SLC5A3: variants seen among roughly 807,000 people sequenced by gnomAD.
SLC5A3 encodes solute carrier family 5 member 3, also known as sodium/myo-inositol cotransporter.
Under a neutral mutation model 43.2 loss-of-function variants are expected in SLC5A3, and 10 were observed. The observed-to-expected ratio is 0.23, with a 90% CI of 0.14 to 0.39. The LOEUF is 0.39. Ranked by LOEUF, SLC5A3 falls within the 10% of genes least tolerant of loss-of-function variation. The pLI, the probability that SLC5A3 is intolerant of heterozygous loss-of-function variation, is 1.00. For synonymous variants in SLC5A3, 349 were observed against 322.0 expected (o/e 1.08, Z -0.90); for missense variants, 608 against 893.4 (o/e 0.68, Z 4.07).
rs769874431 is a variant in SLC5A3, at chr21:34,096,447, T to G, written c.1249T>G (p.Phe417Val). 118 of 1,614,128 alleles carry G rather than the reference T, an allele frequency of 7.3e-5. No homozygotes were observed. The highest frequency in any genetic ancestry group is 3.3e-4 in the Middle Eastern group (2 of 6,058). Reference sequence around the variant, plus strand: ...GATTGTGGGGAGGATATTTGTGGCATTTATGGTGGTGATCAGCATAGCATG... The same window carrying G: ...GATTGTGGGGAGGATATTTGTGGCAGTTATGGTGGTGATCAGCATAGCATG... Reference protein sequence around the residue: ...LMIVGRIFVAFMVVISIAWVP... With the variant: ...LMIVGRIFVAVMVVISIAWVP... Residue 417 changes from phenylalanine (F) to valine (V), a missense_variant, in exon 2 of 2, where the codon TTT becomes GTT. Phe to Val is a conservative substitution (Grantham distance 50). Coordinates refer to ENST00000381151, the MANE Select transcript of SLC5A3 (RefSeq NM_006933.7). This position sits in a 1 kb window ranked among gnomAD's most constrained non-coding sequence, Gnocchi z 5.9.
chr21:34,103,431 A>T lies in SLC5A3; in HGVS notation c.*6076A>T. 2.0e-6 allele frequency: 2 copies of T among 998,154 alleles called. No homozygotes were observed. The highest frequency in any genetic ancestry group is 2.4e-6 in the Non-Finnish European group (2 of 828,262). 61.8% of individuals were successfully genotyped at this position (998,154 alleles called of 1,614,324 possible). ...TTGTAGCCTAAATGTTGTTTCTTTT[A>T]TATCCATTAAAAACTTAAAGTTACT... On this transcript the variant is annotated 3_prime_UTR_variant, in exon 2 of 2. Transcript: ENST00000381151.
At chr21:34,087,677 A>C (rs1978466429) in intron 1 of SLC5A3, among the ~76,000 whole-genome samples, 1 of 152,252 alleles carries the variant, frequency 6.6e-6, no homozygotes, top group African/African-American at 2.4e-5. Context: ...TGTTGCCTGC[A>C]TAGGAAATAG....
In SLC5A3 at chr21:34,073,789, C is replaced by T. The variant is rs749080307; in HGVS notation, c.-337+44C>T. On this transcript the variant is annotated intron_variant, in intron 1 of 1. Transcript: ENST00000381151. ...GAGCCGGTCTTCCCGCGCGGGCGCC[C>T]CCGCTGCCGCTAGGCCGCCGTCCCC... 9.2e-6 allele frequency: 13 copies of T among 1,411,810 alleles called. No individual in the cohort carries two copies. The South Asian group carries it at 1.5e-4, about 17-fold the overall frequency. 87.5% of individuals were successfully genotyped at this position (1,411,810 alleles called of 1,614,324 possible).
In SLC5A3 at chr21:34,101,847, A is replaced by G. The variant is rs1177518232; in HGVS notation, c.*4492A>G. 3.0e-6 allele frequency: 3 copies of G among 999,826 alleles called. No homozygotes were observed. The highest frequency in any genetic ancestry group is 5.2e-4 in the Middle Eastern group (1 of 1,938). 61.9% of individuals were successfully genotyped at this position (999,826 alleles called of 1,614,324 possible). ...TGGCTAATAATAAAAGCACTGTTTT[A>G]TTCTCAAAACTCCTTTTTCAAAAAT... On this transcript the variant is annotated 3_prime_UTR_variant, in exon 2 of 2. Transcript: ENST00000381151.
rs1233196905 is a variant in SLC5A3, at chr21:34,098,835, C to A, written c.*1480C>A. Reference sequence around the variant, plus strand: ...GTGTCTTCGTATGCTCAACACTGTCCTTTGTCCTCCATGAAAGATGAAGGA... The same window carrying A: ...GTGTCTTCGTATGCTCAACACTGTCATTTGTCCTCCATGAAAGATGAAGGA... On this transcript the variant is annotated 3_prime_UTR_variant, in exon 2 of 2. Transcript: ENST00000381151. 1.0e-6 allele frequency: 1 copy of A among 999,780 alleles called. No homozygotes were observed. Among genetic ancestry groups the A allele is most frequent in the Non-Finnish European group, 1.2e-6 (1 of 829,644 alleles). 61.9% of individuals were successfully genotyped at this position (999,780 alleles called of 1,614,324 possible). A position where few individuals can be genotyped will look rare whatever the true frequency, so the allele number is the denominator to read the frequency against.
Position 34,099,613 on chromosome 21 carries a change from T to TC in SLC5A3, c.*2259dup, listed in dbSNP as rs1979140522. The TC allele has an allele frequency of 1.0e-6, 1 of 999,362 alleles. No homozygotes were observed. The highest frequency in any genetic ancestry group is 1.2e-6 in the Non-Finnish European group (1 of 829,752). The allele number at this position is 999,362 out of a possible 1,614,324, so 61.9% of individuals were successfully genotyped here. On this transcript the variant is annotated 3_prime_UTR_variant, in exon 2 of 2. Transcript: ENST00000381151. ...TAGGAGGTGTTTGTGATTTTTTTTTTCTCCCTTTATTTAACATTGAGTCCT... is the reference window on the plus strand; with the variant it reads ...TAGGAGGTGTTTGTGATTTTTTTTTTCCTCCCTTTATTTAACATTGAGTCCT...
rs191149840 is a variant in SLC5A3, at chr21:34,098,744, A to G, written c.*1389A>G. 34 of 1,000,268 alleles carry G rather than the reference A, an allele frequency of 3.4e-5. No homozygotes were observed. In the East Asian group the frequency reaches 3.4e-3, roughly 100 times the overall value. The allele number at this position is 1,000,268 out of a possible 1,614,324, so 62.0% of individuals were successfully genotyped here. On this transcript the variant is annotated 3_prime_UTR_variant, in exon 2 of 2. Transcript: ENST00000381151. ...TCTAACTTGACATGGCTTGGCACCC[A>G]CTTGCAGCTAGTGGGTACAGGGTAC... is the stretch of plus-strand genomic sequence containing the variant.
chr21:34,100,854 C>A lies in SLC5A3; in HGVS notation c.*3499C>A, dbSNP rs1207322310. The A allele has an allele frequency of 1.0e-6, 1 of 1,000,120 alleles. No individual in the cohort carries two copies. Among genetic ancestry groups the A allele is most frequent in the African/African-American group, 1.7e-5 (1 of 57,326 alleles). The allele number at this position is 1,000,120 out of a possible 1,614,324, so 62.0% of individuals were successfully genotyped here. On this transcript the variant is annotated 3_prime_UTR_variant, in exon 2 of 2. Coordinates refer to ENST00000381151, the MANE Select transcript of SLC5A3 (RefSeq NM_006933.7). ...GTGGGTTATTTTCATTCTTTACCAC[C>A]AAATAAAGCGGCTTATTAGCTACTC...
At position 34,103,507 on chromosome 21, in the gene SLC5A3, A is replaced by G. The variant is rs1225473909; in HGVS notation, c.*6152A>G. The G allele has an allele frequency of 7.0e-6, 7 of 999,358 alleles. No homozygotes were observed. The highest frequency in any genetic ancestry group is 3.5e-5 in the African/African-American group (2 of 57,214). 61.9% of individuals were successfully genotyped at this position (999,358 alleles called of 1,614,324 possible). ...GTGTTTCCATTGTAGGTTGATAGGT[A>G]TATCGAGAACAGGTACGTGACAACA... is the stretch of plus-strand genomic sequence containing the variant. On this transcript the variant is annotated 3_prime_UTR_variant, in exon 2 of 2. Transcript: ENST00000381151.
intron 1 of SLC5A3, among the ~76,000 whole-genome samples, chr21:34,082,082 A>G (rs1219262062): frequency 6.6e-6 from 1 of 151,138 alleles, no homozygotes; most frequent in Non-Finnish European, 1.5e-5. Flanking sequence ...GTTGCCAACT[A>G]ATTGAATACT....
Position 34,097,106 on chromosome 21 carries a change from A to G in SLC5A3, c.1908A>G (p.Ala636=), listed in dbSNP as rs141909962. 17,134 of 1,614,118 alleles carry G rather than the reference A, an allele frequency of 0.011. 121 individuals carry two copies. The highest frequency in any genetic ancestry group is 0.012 in the Non-Finnish European group (14,649 of 1,179,968). ...TPVDAYSNGQ[A]ALMGEKERKK... ...TTGACGCTTACTCCAATGGGCAAGC[A>G]GCTCTCATGGGTGAGAAAGAGAGAA... Residue 636 remains alanine (A), a synonymous_variant, in exon 2 of 2, where the codon GCA becomes GCG. Transcript: ENST00000381151.
chr21:34,090,830 C>T (rs970136349), intron 1 of SLC5A3, among the ~76,000 whole-genome samples: 74 of 152,256 alleles, frequency 4.9e-4, no homozygotes, highest in African/African-American at 1.6e-3. Flanking sequence ...TAGGAAGTGA[C>T]GGAGCATGGA....
intron 1 of SLC5A3, among the ~76,000 whole-genome samples, chr21:34,089,670 C>T (rs1389162488): frequency 2.0e-5 from 3 of 152,130 alleles, no homozygotes; most frequent in Non-Finnish European, 1.5e-5. Context: ...CCACTCCTGT[C>T]CCGGGAGAAA....
At position 34,102,919 on chromosome 21, in the gene SLC5A3, C is replaced by T. The variant is rs781341884; in HGVS notation, c.*5564C>T. The T allele has an allele frequency of 4.0e-5, 40 of 999,446 alleles. No homozygotes were observed. Among genetic ancestry groups the T allele is most frequent in the Non-Finnish European group, 4.8e-5 (40 of 829,826 alleles). The allele number at this position is 999,446 out of a possible 1,614,324, so 61.9% of individuals were successfully genotyped here. A position where few individuals can be genotyped will look rare whatever the true frequency, so the allele number is the denominator to read the frequency against. On this transcript the variant is annotated 3_prime_UTR_variant, in exon 2 of 2. Transcript: ENST00000381151. ...CCGCACAAGTTGGCAGTAGGTATCC[C>T]CAACCTAATTTATCTTGGTAAATTC... is the stretch of plus-strand genomic sequence containing the variant.
At chr21:34,075,430 C>T (rs1989304182) in intron 1 of SLC5A3, among the ~76,000 whole-genome samples, 1 of 152,010 alleles carries the variant, frequency 6.6e-6, no homozygotes, top group African/African-American at 2.4e-5. Flanking sequence ...CCTGTAATAA[C>T]ATAGCCTTTG....
intron 1 of SLC5A3, among the ~76,000 whole-genome samples, chr21:34,085,814 G>A (rs1247648828): frequency 2.0e-5 from 3 of 152,130 alleles, no homozygotes; most frequent in Non-Finnish European, 2.9e-5. Context: ...GTGTTAGCTA[G>A]GGTGGTCTTG....
chr21:34,099,197 TTTCTCA>T lies in SLC5A3; in HGVS notation c.*1843_*1848del. The T allele has an allele frequency of 1.0e-6, 1 of 1,000,034 alleles. No homozygotes were observed. Among genetic ancestry groups the T allele is most frequent in the Non-Finnish European group, 1.2e-6 (1 of 829,896 alleles). 61.9% of individuals were successfully genotyped at this position (1,000,034 alleles called of 1,614,324 possible). A position where few individuals can be genotyped will look rare whatever the true frequency, so the allele number is the denominator to read the frequency against. ...AGCTTAGAGTGCCTTGTAGAATTTT[TTTCTCA>T]ATTTTATTCTTGAGGTTTATAATTT... On this transcript the variant is annotated 3_prime_UTR_variant, in exon 2 of 2. Coordinates refer to ENST00000381151, the MANE Select transcript of SLC5A3 (RefSeq NM_006933.7).
rs912466475 is a variant in SLC5A3, at chr21:34,104,567, G to A, written c.*7212G>A. On this transcript the variant is annotated 3_prime_UTR_variant, in exon 2 of 2. Coordinates refer to ENST00000381151, the MANE Select transcript of SLC5A3 (RefSeq NM_006933.7). ...ATCTAGAAGGAAGACTATATCTGGT[G>A]TAGACTAATATGAGATGTTTTAGAA... The A allele has an allele frequency of 3.0e-6, 3 of 999,166 alleles. No individual in the cohort carries two copies. The highest frequency in any genetic ancestry group is 1.7e-5 in the African/African-American group (1 of 57,194). The allele number at this position is 999,166 out of a possible 1,614,324, so 61.9% of individuals were successfully genotyped here.
rs540261027 is a variant in SLC5A3, at chr21:34,102,761, T to A, written c.*5406T>A. On this transcript the variant is annotated 3_prime_UTR_variant, in exon 2 of 2. Transcript: ENST00000381151. ...TTTTCGTAGTGTGGGAACAGTGGTT[T>A]TGCTCTATACCACTGAAAAGCACTA... 1.7e-5 allele frequency: 17 copies of A among 1,000,162 alleles called. No homozygotes were observed. In the Admixed American group the frequency reaches 9.8e-4, roughly 58 times the overall value. The allele number at this position is 1,000,162 out of a possible 1,614,324, so 62.0% of individuals were successfully genotyped here. A position where few individuals can be genotyped will look rare whatever the true frequency, so the allele number is the denominator to read the frequency against.
Sources: allele counts gnomAD v4.1 joint callset (sites outside exome capture counted in the v4.1 genomes callset), GRCh38; gene constraint gnomAD v4.1.1; non-coding constraint Gnocchi (gnomAD v3.1); transcripts MANE v1.5; gene names NCBI Gene and HGNC (gene_info 2026-07-23, HGNC 2026-07-21).